IL1RAPL1: variants seen among roughly 807,000 people sequenced by gnomAD.
The protein encoded by IL1RAPL1 is interleukin 1 receptor accessory protein like 1.
A neutral mutation model predicts 48.4 loss-of-function variants in IL1RAPL1; 3 were observed. The ratio of observed to expected loss-of-function variants is 0.06; its 90% CI spans 0.03 to 0.16. IL1RAPL1 has a LOEUF of 0.16. Among genes scored for constraint, IL1RAPL1 ranks in the 10% least tolerant of loss-of-function variants. IL1RAPL1 has a pLI of 1.00. For synonymous variants in IL1RAPL1, 185 were observed against 187.7 expected, an observed-to-expected ratio of 0.99 and a Z score of 0.12; for missense variants, 349 against 530.6, an observed-to-expected ratio of 0.66 and a Z score of 3.36.
chrX:29,661,068 T>C (rs1482703088), intron 5 of IL1RAPL1, among the ~76,000 whole-genome samples: 2 of 112,037 alleles, frequency 1.8e-5, no homozygotes, highest in Admixed American at 9.5e-5. Context: ...GTTAAACTTA[T>C]TCATAGGTAT....
At chrX:29,370,713 G>A (rs369203091) in intron 3 of IL1RAPL1, among the ~76,000 whole-genome samples, 3 of 109,472 alleles carry the variant, frequency 2.7e-5, no homozygotes, top group Admixed American at 9.9e-5. Context: ...AAATACCTCC[G>A]GAGGAAAATT....
chrX:29,199,007 G>C (rs1445347190), intron 2 of IL1RAPL1, among the ~76,000 whole-genome samples: 2 of 111,529 alleles, frequency 1.8e-5, no homozygotes, highest in Admixed American at 9.6e-5. Flanking sequence ...CGGGAAAAAA[G>C]CAACTTTACA....
chrX:28,925,665 G>A (rs1248461882), intron 2 of IL1RAPL1, among the ~76,000 whole-genome samples: 4 of 111,911 alleles, frequency 3.6e-5, no homozygotes, highest in Non-Finnish European at 7.5e-5. Flanking sequence ...GGTGGCTCAC[G>A]CCTGTAAAGC....
chrX:29,352,284 G>C (rs1273451512), intron 3 of IL1RAPL1, among the ~76,000 whole-genome samples: 3 of 110,958 alleles, frequency 2.7e-5, no homozygotes, highest in African/African-American at 9.8e-5. Context: ...CTATTTCAAT[G>C]AGCTGATCAG....
intron 2 of IL1RAPL1, among the ~76,000 whole-genome samples, chrX:29,125,279 G>A: frequency 8.9e-6 from 1 of 112,251 alleles, no homozygotes; most frequent in Admixed American, 9.5e-5. Context: ...ACCAAAATCT[G>A]TAGTTAATTG....
At chrX:29,768,277 A>C (rs987466240) in intron 6 of IL1RAPL1, among the ~76,000 whole-genome samples, 1 of 112,083 alleles carries the variant, frequency 8.9e-6, no homozygotes, top group African/African-American at 3.2e-5. Context: ...AAATTGCTGA[A>C]TATAAACTAA....
chrX:29,373,866 A>T (rs866604730), intron 3 of IL1RAPL1, among the ~76,000 whole-genome samples: 65 of 23,400 alleles, frequency 2.8e-3, no homozygotes, highest in Non-Finnish European at 3.4e-3. Context: ...CTCTCTTTTT[A>T]ATTTTTTTTT....
chrX:29,784,501 A>T lies in IL1RAPL1; in HGVS notation c.778+115997A>T, dbSNP rs1172451510. Among the ~76,000 whole-genome samples, 4 of 111,721 alleles carry T rather than the reference A, an allele frequency of 3.6e-5. No homozygotes were observed. In the East Asian group the frequency reaches 1.1e-3, roughly 31 times the overall value. On this transcript the variant is annotated intron_variant, in intron 6 of 10. Coordinates refer to ENST00000378993, the MANE Select transcript of IL1RAPL1 (RefSeq NM_014271.4). The stretch of plus-strand genomic sequence containing the variant: ...AATGTAATAGCATTTTGTATGTTAT[A>T]AGCATGCTAATTTGGGGGCCTATTT...
intron 2 of IL1RAPL1, among the ~76,000 whole-genome samples, chrX:29,110,311 G>C (rs1288009279): frequency 9.0e-6 from 1 of 111,531 alleles, no homozygotes; most frequent in Non-Finnish European, 1.9e-5. Flanking sequence ...TTACTGGTTC[G>C]AATATAGAAA....
intron 5 of IL1RAPL1, among the ~76,000 whole-genome samples, chrX:29,548,858 G>A (rs769599848): frequency 6.3e-5 from 7 of 111,915 alleles, no homozygotes; most frequent in Admixed American, 1.9e-4. Context: ...GAAATCCAAT[G>A]AGAAATAAAG....
intron 5 of IL1RAPL1, among the ~76,000 whole-genome samples, chrX:29,525,341 G>A (rs766311693): frequency 6.5e-4 from 73 of 112,266 alleles, no homozygotes; most frequent in Admixed American, 4.2e-3. Flanking sequence ...CATTGAAACT[G>A]TCTAGAAGCT....
At chrX:28,714,150 C>A (rs1935474985) in intron 1 of IL1RAPL1, among the ~76,000 whole-genome samples, 1 of 111,832 alleles carries the variant, frequency 8.9e-6, no homozygotes, top group African/African-American at 3.2e-5. Flanking sequence ...ATTTTATGCT[C>A]TTTCTTATTC....
chrX:28,748,636 G>T (rs1393885922), intron 1 of IL1RAPL1, among the ~76,000 whole-genome samples: 1 of 111,430 alleles, frequency 9.0e-6, no homozygotes, highest in Non-Finnish European at 1.9e-5. Context: ...TTTTTCCCTT[G>T]AATAGTATTT....
intron 5 of IL1RAPL1, among the ~76,000 whole-genome samples, chrX:29,621,675 C>T (rs1047056163): frequency 1.8e-5 from 2 of 111,150 alleles, no homozygotes; most frequent in Non-Finnish European, 3.8e-5. Flanking sequence ...TTTAAGGGTA[C>T]ACATGACAAT....
chrX:29,093,117 T>C (rs1363328092), intron 2 of IL1RAPL1, among the ~76,000 whole-genome samples: 1 of 111,893 alleles, frequency 8.9e-6, no homozygotes, highest in Non-Finnish European at 1.9e-5. Context: ...ATCAATCAGG[T>C]GACCTTGATA....
intron 2 of IL1RAPL1, among the ~76,000 whole-genome samples, chrX:29,091,132 G>T (rs759474372): frequency 3.8e-4 from 43 of 111,995 alleles, no homozygotes; most frequent in African/African-American, 1.3e-3. Context: ...GCTATCTTTC[G>T]TATTCTTTAC....
chrX:29,849,475 C>T (rs1035583859), intron 6 of IL1RAPL1, among the ~76,000 whole-genome samples: 17 of 111,752 alleles, frequency 1.5e-4, no homozygotes, highest in Admixed American at 1.1e-3. Flanking sequence ...CAAATATTTT[C>T]TCAGGTATTG....
chrX:28,691,043 C>A (rs1404411742), intron 1 of IL1RAPL1, among the ~76,000 whole-genome samples: 4 of 111,498 alleles, frequency 3.6e-5, no homozygotes, highest in Non-Finnish European at 7.5e-5. Flanking sequence ...AAGATTCAAA[C>A]CTTCAGTGAA....
At chrX:29,874,177 G>T (rs1452542938) in intron 6 of IL1RAPL1, among the ~76,000 whole-genome samples, 1 of 110,758 alleles carries the variant, frequency 9.0e-6, no homozygotes, top group Admixed American at 9.6e-5. Context: ...TTTCTGTTCT[G>T]CTGCCTAGAT....
Sources: allele counts gnomAD v4.1 joint callset (sites outside exome capture counted in the v4.1 genomes callset), GRCh38; gene constraint gnomAD v4.1.1; transcripts MANE v1.5; gene names NCBI Gene and HGNC (gene_info 2026-07-23, HGNC 2026-07-21).